The following DNAH6 variants were observed in gnomAD, a reference collection of about 807,000 sequenced individuals.
DNAH6 encodes axonemal beta dynein heavy chain 6.
Under a neutral mutation model 491.4 loss-of-function variants are expected in DNAH6, and 340 were observed. That is an observed-to-expected ratio of 0.69 (90% confidence interval 0.63 to 0.76). The LOEUF (loss-of-function observed/expected upper bound fraction) is 0.76. Ranked by LOEUF, DNAH6 falls within the 30% of genes least tolerant of loss-of-function variation. The pLI is 0.00. For synonymous variants in DNAH6, 1,603 were observed against 1,686.1 expected, an observed-to-expected ratio of 0.95 and a Z score of 1.21; for missense variants, 4,443 against 4,972.2, an observed-to-expected ratio of 0.89 and a Z score of 3.20.
chr2:84,732,936 G>A (rs1032960358), intron 61 of DNAH6, among the ~76,000 whole-genome samples: 10 of 152,218 alleles, frequency 6.6e-5, no homozygotes, highest in African/African-American at 2.4e-4. Flanking sequence ...AATATTGCCA[G>A]ATGGCATAAC....
At chr2:84,660,857 T>G (rs1691435581) in intron 37 of DNAH6, among the ~76,000 whole-genome samples, 1 of 152,142 alleles carries the variant, frequency 6.6e-6, no homozygotes, top group Non-Finnish European at 1.5e-5. Flanking sequence ...TATATCTATG[T>G]CATAAGAGAC....
the DNAH6 span, among the ~76,000 whole-genome samples, chr2:84,475,766 C>T: frequency 3.9e-5 from 6 of 152,142 alleles, no homozygotes; most frequent in South Asian, 2.1e-4. Flanking sequence ...TTATCAGTTA[C>T]GGCTTTATAC....
At chr2:84,464,564 G>A in the DNAH6 span, among the ~76,000 whole-genome samples, 233 of 152,298 alleles carry the variant, frequency 1.5e-3, 13 homozygotes, top group East Asian at 0.039. Flanking sequence ...CAGCAGCCCC[G>A]AGGGCTGCTG....
At chr2:84,719,959 C>A (rs1352514011) in intron 59 of DNAH6, among the ~76,000 whole-genome samples, 1 of 151,996 alleles carries the variant, frequency 6.6e-6, no homozygotes, top group Non-Finnish European at 1.5e-5. Flanking sequence ...TAGTTATATC[C>A]TGATTATAGC....
rs192155875 is a variant in DNAH6, at chr2:84,659,064, T to C, written c.5979T>C (p.Phe1993=). The change falls in exon 37 of 77, where the codon TTT becomes TTC. Residue 1993 remains phenylalanine, a synonymous_variant. Coordinates refer to ENST00000389394, the MANE Select transcript of DNAH6 (RefSeq NM_001370.2). ...TKLNTILCQT[F]VFCYLWSLGG... Reference sequence around the variant, plus strand: ...TGAACACTATACTATGTCAGACTTTTGTATTCTGTTATTTGTGGTCTTTGG... The same window carrying C: ...TGAACACTATACTATGTCAGACTTTCGTATTCTGTTATTTGTGGTCTTTGG... The C allele has an allele frequency of 1.0e-5, 15 of 1,486,290 alleles. No homozygotes were observed. Among genetic ancestry groups the C allele is most frequent in the African/African-American group, 2.8e-5 (2 of 71,480 alleles). The allele number at this position is 1,486,290 out of a possible 1,614,324, so 92.1% of individuals were successfully genotyped here. A position where few individuals can be genotyped will look rare whatever the true frequency, so the allele number is the denominator to read the frequency against.
intron 54 of DNAH6, among the ~76,000 whole-genome samples, chr2:84,708,197 G>A (rs1696658281): frequency 6.6e-6 from 1 of 152,010 alleles, no homozygotes; most frequent in African/African-American, 2.4e-5. Context: ...CAGCACTTTG[G>A]GAGGCCAAGG....
At chr2:84,538,851 T>TTTAAATTATATTAAAGGATA (rs1677967463) in intron 4 of DNAH6, among the ~76,000 whole-genome samples, 2 of 152,120 alleles carry the variant, frequency 1.3e-5, no homozygotes, top group Admixed American at 6.6e-5. Context: ...AATCTCACAC[T>TTTAAATTATATTAAAGGATA]AAAGCTCTTT....
rs751518371 is a variant in DNAH6 at position 84,547,378 on chromosome 2, C to A, written c.1041C>A (p.Ala347=). 3 of 1,551,612 alleles carry A rather than the reference C, an allele frequency of 1.9e-6. No individual in the cohort carries two copies. The African/African-American group carries it at 4.1e-5, about 21-fold the overall frequency. ...CCTACACCCTGCAGGAATTTAAGGC[C>A]GCACAAGTCATACGGCTAGCAGAGG... ...CHTYTLQEFK[A]AQVIRLAEVT... The change falls in exon 6 of 77, where the codon GCC becomes GCA. Residue 347 remains alanine (A), a synonymous_variant. Transcript: ENST00000389394.
At chr2:84,678,157 A>C (rs1693438768) in intron 41 of DNAH6, among the ~76,000 whole-genome samples, 1 of 152,236 alleles carries the variant, frequency 6.6e-6, no homozygotes, top group Non-Finnish European at 1.5e-5. Flanking sequence ...TATTTTTAAT[A>C]AATTGAAGTA....
At chr2:84,662,192 C>A (rs376020234) in intron 37 of DNAH6, among the ~76,000 whole-genome samples, 7 of 152,150 alleles carry the variant, frequency 4.6e-5, no homozygotes, top group African/African-American at 1.7e-4. Flanking sequence ...TCTACAGCTC[C>A]CAGCATGAGC....
At position 84,529,161 on chromosome 2, in the gene DNAH6, T is replaced by A; in HGVS notation, c.657T>A (p.Asn219Lys). 5.9e-6 allele frequency: 9 copies of A among 1,533,590 alleles called. No homozygotes were observed. The highest frequency in any genetic ancestry group is 7.9e-6 in the Non-Finnish European group (9 of 1,134,962). The allele number at this position is 1,533,590 out of a possible 1,614,324, so 95.0% of individuals were successfully genotyped here. A position where few individuals can be genotyped will look rare whatever the true frequency, so the allele number is the denominator to read the frequency against. Reference protein sequence around the residue: ...PRSSIEYDTYNLKVVSYENIN... With the variant: ...PRSSIEYDTYKLKVVSYENIN... ...CATCCATTGAATATGATACATATAA[T>A]CTAAAGTGAGTTATTTTTTATGATG... The change falls in exon 4 of 77, where the codon AAT becomes AAA. Residue 219 changes from asparagine (N) to lysine (K), a missense_variant. Physicochemically the swap from Asn to Lys is moderately conservative, Grantham distance 94 (BLOSUM62 0). Around this residue, in one of 3 missense-constraint regions of DNAH6, gnomAD observed 2,977 missense variants for 3,296.6 expected, o/e 0.90. Transcript: ENST00000389394.
At chr2:84,580,316 G>GCGCACACACACA (rs1280178784) in intron 14 of DNAH6, among the ~76,000 whole-genome samples, 1 of 149,174 alleles carries the variant, frequency 6.7e-6, no homozygotes, top group African/African-American at 2.5e-5. Flanking sequence ...ACATACACAC[G>GCGCACACACACA]CACACACACA....
At chr2:84,581,239 T>C (rs2104012662) in intron 14 of DNAH6, among the ~76,000 whole-genome samples, 1 of 152,322 alleles carries the variant, frequency 6.6e-6, no homozygotes, top group Admixed American at 6.5e-5. Context: ...TGATGCAGTA[T>C]GCAGAAAACA....
At chr2:84,811,230 C>T (rs78467224) in intron 72 of DNAH6, among the ~76,000 whole-genome samples, 201 of 152,354 alleles carry the variant, frequency 1.3e-3, no homozygotes, top group African/African-American at 4.2e-3. Flanking sequence ...CAATGCCTGT[C>T]GCTAAGATGC....
intron 63 of DNAH6, among the ~76,000 whole-genome samples, chr2:84,752,367 T>G (rs530003925): frequency 6.6e-6 from 1 of 152,338 alleles, no homozygotes; most frequent in Admixed American, 6.5e-5. Flanking sequence ...TCATACAGAT[T>G]AAGCAAGAGT....
At chr2:84,784,623 G>A in intron 65 of DNAH6, 99 bp from the exon 66 acceptor site, 2 of 730,164 alleles carry the variant, frequency 2.7e-6, no homozygotes, top group Non-Finnish European at 4.5e-6. Context: ...AAAGCTTATA[G>A]CATTTTTTCC....
At chr2:84,579,273 A>G (rs1254498534) in intron 13 of DNAH6, among the ~76,000 whole-genome samples, 1 of 152,244 alleles carries the variant, frequency 6.6e-6, no homozygotes, top group Non-Finnish European at 1.5e-5. Context: ...AGGACAAAGA[A>G]GCAGAAAGCA....
At chr2:84,565,780 A>G (rs755297348) in intron 11 of DNAH6, among the ~76,000 whole-genome samples, 3 of 151,940 alleles carry the variant, frequency 2.0e-5, no homozygotes, top group Non-Finnish European at 2.9e-5. Context: ...GGGTGCTCCA[A>G]TGTTGGCTGT....
chr2:84,786,369 G>T (rs1417223991), intron 67 of DNAH6, among the ~76,000 whole-genome samples: 2 of 143,786 alleles, frequency 1.4e-5, no homozygotes, highest in Non-Finnish European at 3.0e-5. Flanking sequence ...AAGGCTGAAT[G>T]AACAGTGATT....
Sources: allele counts gnomAD v4.1 joint callset (sites outside exome capture counted in the v4.1 genomes callset), GRCh38; gene constraint gnomAD v4.1.1; regional missense constraint gnomAD v4.1.1; transcripts MANE v1.5; gene names NCBI Gene and HGNC (gene_info 2026-07-23, HGNC 2026-07-21).